Variants in COL5A1 observed in about 807,000 individuals in gnomAD.
COL5A1 encodes the protein collagen alpha-1(V) chain.
COL5A1 carries 16 observed loss-of-function variants against 263.7 expected under a neutral mutation model. The ratio of observed to expected loss-of-function variants is 0.06; its 90% CI spans 0.04 to 0.09. The LOEUF is 0.09. Among genes scored for constraint, COL5A1 ranks in the 10% least tolerant of loss-of-function variants. COL5A1 has a pLI of 1.00. For synonymous variants in COL5A1, 1,012 were observed against 1,004.5 expected (o/e 1.01, Z -0.14); for missense variants, 2,036 against 2,540.5 (o/e 0.80, Z 4.27).
chr9:134,790,590 C>CCA (rs1837653060), intron 32 of COL5A1, among the ~76,000 whole-genome samples: 1 of 94,270 alleles, frequency 1.1e-5, no homozygotes, highest in African/African-American at 4.7e-5. Context: ...ATCCATCCAT[C>CCA]TATCCATCCA....
intron 4 of COL5A1, among the ~76,000 whole-genome samples, chr9:134,721,431 T>G (rs1211841622): frequency 2.6e-5 from 4 of 152,084 alleles, no homozygotes; most frequent in African/African-American, 9.7e-5. Flanking sequence ...TGACTGTGTT[T>G]GGATCCCATC....
intron 42 of COL5A1, among the ~76,000 whole-genome samples, chr9:134,808,664 G>A (rs180801994): frequency 1.2e-4 from 18 of 152,344 alleles, no homozygotes; most frequent in East Asian, 3.9e-4. Flanking sequence ...GTACATAGGC[G>A]TGTTCACATG....
intron 51 of COL5A1, 134 bp downstream of exon 51, chr9:134,815,763 C>A: frequency 8.1e-7 from 1 of 1,238,242 alleles, no homozygotes; most frequent in Non-Finnish European, 1.2e-6. Flanking sequence ...AAAAGGCACT[C>A]GTGTTCCGGT....
At chr9:134,724,918 G>A (rs1834593453) in intron 4 of COL5A1, among the ~76,000 whole-genome samples, 2 of 152,116 alleles carry the variant, frequency 1.3e-5, no homozygotes, top group African/African-American at 4.8e-5. Context: ...AGGCTCGGAT[G>A]AACCGTGGAG....
intron 25 of COL5A1, 22 bp from the exon 26 acceptor site, chr9:134,772,768 A>G: frequency 6.2e-7 from 1 of 1,613,928 alleles, no homozygotes; most frequent in South Asian, 1.1e-5. Context: ...CTGACTAATC[A>G]ATGCTTCTTC....
rs59126004 is a variant in COL5A1, at chr9:134,782,495, T to C, written c.2431-172T>C. 0.13 allele frequency: 96,320 copies of C among 727,202 alleles called. 7,211 individuals are homozygous for C. Among genetic ancestry groups the C allele is most frequent in the African/African-American group, 0.25 (14,393 of 57,796 alleles). The allele number at this position is 727,202 out of a possible 1,614,324, so 45.0% of individuals were successfully genotyped here. Reference sequence around the variant, plus strand: ...GTTACAGCTGGGAACGCAGAGCTCATGGGAAAGCCATTCTCGAGGGATGGG... The same window carrying C: ...GTTACAGCTGGGAACGCAGAGCTCACGGGAAAGCCATTCTCGAGGGATGGG... On this transcript the variant is annotated intron_variant, in intron 28 of 65. Coordinates refer to ENST00000371817, the MANE Select transcript of COL5A1 (RefSeq NM_000093.5).
chr9:134,772,154 C>T (rs1050786131), intron 25 of COL5A1, among the ~76,000 whole-genome samples: 2 of 152,142 alleles, frequency 1.3e-5, no homozygotes, highest in African/African-American at 2.4e-5. Flanking sequence ...GGGTCTCAAA[C>T]GAGGCAGCTG....
Position 134,818,517 on chromosome 9 carries a change from T to G in COL5A1, c.4231-139T>G, listed in dbSNP as rs879398429. The G allele has an allele frequency of 3.6e-5, 24 of 660,056 alleles. No individual in the cohort carries two copies. The highest frequency in any genetic ancestry group is 6.0e-5 in the Non-Finnish European group (22 of 367,266). 40.9% of individuals were successfully genotyped at this position (660,056 alleles called of 1,614,324 possible). A position where few individuals can be genotyped will look rare whatever the true frequency, so the allele number is the denominator to read the frequency against. ...GGCAGCTTCCACAGGCAATGAAATG[T>G]GGAGAATTAGGGCAACCCCGGATAT... On this transcript the variant is annotated intron_variant, in intron 54 of 65. Transcript: ENST00000371817. The surrounding 1 kb of genome is among the most constrained non-coding windows in gnomAD (Gnocchi z 6.0).
rs758552583 is a variant in COL5A1, at chr9:134,665,071, C to T, written c.109+22775C>T. ...AAAATTAGCCAGGTGTGGTGGCGGG[C>T]GTCTGTAATCCCAGCTGCTCAGGAG... On this transcript the variant is annotated intron_variant, in intron 1 of 65. Transcript: ENST00000371817. Among the ~76,000 whole-genome samples the T allele has an allele frequency of 7.9e-5, 12 of 152,242 alleles. No individual in the cohort carries two copies. In the South Asian group the frequency reaches 1.2e-3, roughly 16 times the overall value.
At chr9:134,722,366 G>A (rs1834494420) in intron 4 of COL5A1, among the ~76,000 whole-genome samples, 1 of 152,202 alleles carries the variant, frequency 6.6e-6, no homozygotes, top group Non-Finnish European at 1.5e-5. Context: ...CTAGCCTTGG[G>A]CCCTGATGGT....
At position 134,682,316 on chromosome 9, in the gene COL5A1, A is replaced by C. The variant is rs113719805; in HGVS notation, c.110-8596A>C. ...CTGGAGGCCGGGTCCTGAGCGGAGC[A>C]CTCTGTACCTGTGTCACCCAAGAGC... On this transcript the variant is annotated intron_variant, in intron 1 of 65. Transcript: ENST00000371817. This position sits in a 1 kb window ranked among gnomAD's most constrained non-coding sequence, Gnocchi z 5.1. 2.0e-4 allele frequency among the ~76,000 whole-genome samples: 30 copies of C among 152,046 alleles called. No individual in the cohort carries two copies. The highest frequency in any genetic ancestry group is 6.3e-4 in the African/African-American group (26 of 41,454).
At chr9:134,717,358 C>T (rs139320133) in intron 4 of COL5A1, among the ~76,000 whole-genome samples, 1 of 152,222 alleles carries the variant, frequency 6.6e-6, no homozygotes, top group Non-Finnish European at 1.5e-5. Flanking sequence ...AGCCCAGGGC[C>T]AGACTCCACC....
chr9:134,669,527 C>A (rs943571249), intron 1 of COL5A1, among the ~76,000 whole-genome samples: 19 of 152,076 alleles, frequency 1.2e-4, no homozygotes, highest in African/African-American at 4.6e-4. Context: ...CTACACTAGG[C>A]GGCCAGGAGT....
intron 4 of COL5A1, among the ~76,000 whole-genome samples, chr9:134,723,042 C>T (rs958124477): frequency 1.3e-5 from 2 of 152,200 alleles, no homozygotes; most frequent in African/African-American, 2.4e-5. Flanking sequence ...TAGCTGTCCT[C>T]GGTCACTCCC....
rs1394440955 is a variant in COL5A1 at position 134,750,623 on chromosome 9, A to AC, written c.1569+10dup. 9.9e-6 allele frequency: 16 copies of AC among 1,613,004 alleles called. No individual in the cohort carries two copies. The African/African-American group carries it at 1.6e-4, about 16-fold the overall frequency. On this transcript the variant is annotated splice_region_variant and intron_variant, in intron 12 of 65. Coordinates refer to ENST00000371817, the MANE Select transcript of COL5A1 (RefSeq NM_000093.5). ...AACCATGCTCATGCTGCCCGTGAGT[A>AC]CCCTTATCAGTCGGAGGTGGGGAGG...
At chr9:134,817,303 G>T (rs1354474158) in intron 53 of COL5A1, among the ~76,000 whole-genome samples, 1 of 152,200 alleles carries the variant, frequency 6.6e-6, no homozygotes, top group Non-Finnish European at 1.5e-5. Flanking sequence ...CTGCTGACAC[G>T]GTCAGTGATA....
At chr9:134,643,767 C>G (rs531836602) in intron 1 of COL5A1, among the ~76,000 whole-genome samples, 4 of 152,140 alleles carry the variant, frequency 2.6e-5, no homozygotes, top group African/African-American at 9.7e-5. Flanking sequence ...GTGCCATTGC[C>G]GGGGGACTAG....
rs1027680534 is a variant in COL5A1 at position 134,841,051 on chromosome 9, G to T, written c.5371-1106G>T. 6.6e-6 allele frequency among the ~76,000 whole-genome samples: 1 copy of T among 152,206 alleles called. No homozygotes were observed. The highest frequency in any genetic ancestry group is 1.9e-4 in the East Asian group (1 of 5,188). Reference sequence around the variant, plus strand: ...GGAGTCTGCGCTGGGCCCTCTGCAGGGCTGCATCCTGGGGTCACTGCCTCC... The same window carrying T: ...GGAGTCTGCGCTGGGCCCTCTGCAGTGCTGCATCCTGGGGTCACTGCCTCC... On this transcript the variant is annotated intron_variant, in intron 65 of 65. Coordinates refer to ENST00000371817, the MANE Select transcript of COL5A1 (RefSeq NM_000093.5). The surrounding 1 kb of genome is among the most constrained non-coding windows in gnomAD (Gnocchi z 4.8).
intron 9 of COL5A1, among the ~76,000 whole-genome samples, chr9:134,736,496 A>G (rs753941936): frequency 2.0e-5 from 3 of 152,234 alleles, no homozygotes; most frequent in Non-Finnish European, 4.4e-5. Context: ...CTGGTGACCT[A>G]ATCACCTCCT....
Sources: allele counts gnomAD v4.1 joint callset (sites outside exome capture counted in the v4.1 genomes callset), GRCh38; gene constraint gnomAD v4.1.1; non-coding constraint Gnocchi (gnomAD v3.1); transcripts MANE v1.5; gene names NCBI Gene and HGNC (gene_info 2026-07-23, HGNC 2026-07-21).